The following BOP1 variants were observed in gnomAD, a reference collection of about 807,000 sequenced individuals.
BOP1 encodes the protein BOP1 ribosomal biogenesis factor.
In BOP1, 54 loss-of-function variants were observed where a neutral mutation model predicts 82.9. The ratio of observed to expected loss-of-function variants is 0.65; its 90% CI spans 0.52 to 0.82. The LOEUF (loss-of-function observed/expected upper bound fraction) is 0.82, where lower values mean the gene tolerates loss of function less well. BOP1 is among the 40% of genes least tolerant of loss of function. BOP1 has a pLI of 0.00. For missense variants in BOP1, 1,170 were observed against 1,072.0 expected (o/e 1.09, Z -1.28); for synonymous variants, 566 against 451.1 (o/e 1.25, Z -3.23).
In BOP1 at chr8:144,263,535, A is replaced by G; in HGVS notation, c.1367T>C (p.Val456Ala). The G allele has an allele frequency of 6.3e-7, 1 of 1,599,660 alleles. No individual in the cohort carries two copies. The highest frequency in any genetic ancestry group is 8.5e-7 in the Non-Finnish European group (1 of 1,179,658). Reference protein sequence around the residue: ...RCVRTVPVGGVVKSVAWNPSP... With the variant: ...RCVRTVPVGGAVKSVAWNPSP... Reference sequence around the variant, plus strand: ...GGGGTTCCAGGCCACACTCTTCACCACGCCCCCCACGGGAACAGTCCTCAC... The same window carrying G: ...GGGGTTCCAGGCCACACTCTTCACCGCGCCCCCCACGGGAACAGTCCTCAC... Residue 456 changes from valine (V) to alanine (A), a missense_variant, in exon 11 of 16, where the codon GTG becomes GCG. Physicochemically the swap from Val to Ala is moderately conservative, Grantham distance 64. Transcript: ENST00000569669.
Position 144,263,328 on chromosome 8 carries a change from T to TCAA in BOP1, c.1495_1497dup (p.Leu499dup). On this transcript the variant is annotated inframe_insertion, in exon 12 of 16. Transcript: ENST00000569669. ...GGCTCCTCAGGCGGGACGAAGGCGC[T>TCAA]CAACAGCTGATCTGTGCTGCCCGCC... 1.3e-6 allele frequency: 2 copies of TCAA among 1,594,574 alleles called. No homozygotes were observed. Among genetic ancestry groups the TCAA allele is most frequent in the Non-Finnish European group, 1.7e-6 (2 of 1,178,932 alleles).
chr8:144,273,818 A>G (rs1420903930), intron 3 of BOP1, among the ~76,000 whole-genome samples: 2 of 150,666 alleles, frequency 1.3e-5, no homozygotes, highest in Admixed American at 1.3e-4. Context: ...CGGCGGCAGG[A>G]CCCCAGCCAG....
chr8:144,264,166 T>C (rs2130198365), intron 7 of BOP1, 24 bp from the exon 8 acceptor site: 2 of 1,609,246 alleles, frequency 1.2e-6, no homozygotes, highest in East Asian at 4.5e-5. Context: ...GACACAGGGG[T>C]GGGGAGGGTC....
rs1421646416 is a variant in BOP1, at chr8:144,262,637, G to A, written c.1930C>T (p.Leu644=). The A allele has an allele frequency of 3.7e-6, 6 of 1,613,314 alleles. No individual in the cohort carries two copies. Among genetic ancestry groups the A allele is most frequent in the African/African-American group, 1.3e-5 (1 of 74,858 alleles). ...NVICGSYDSK[L]VWFDLDLSTK... Reference sequence around the variant, plus strand: ...GAAAGATCCAGGTCAAACCACACCAGCTTGCTATCGTAGCTCCCACAGATG... The same window carrying A: ...GAAAGATCCAGGTCAAACCACACCAACTTGCTATCGTAGCTCCCACAGATG... Residue 644 remains leucine (L), a synonymous_variant, in exon 14 of 16, where the codon CTG becomes TTG. Transcript: ENST00000569669.
rs368838818 is a variant in BOP1, at chr8:144,289,266, G to A, written c.138C>T (p.Thr46=). 124 of 1,613,928 alleles carry A rather than the reference G, an allele frequency of 7.7e-5. No homozygotes were observed. Among genetic ancestry groups the A allele is most frequent in the Middle Eastern group, 1.6e-4 (1 of 6,084 alleles). The change falls in exon 2 of 16, where the codon ACC becomes ACT. Residue 46 remains threonine (T), a synonymous_variant. Coordinates refer to ENST00000569669, the MANE Select transcript of BOP1 (RefSeq NM_015201.5). ...LLCTSPLSHS[T]GSDSGVSDSE... is the part of the protein sequence containing the mutation. Reference sequence around the variant, plus strand: ...TGTCGGAGACGCCAGAATCGCTGCCGGTGCTGTGGCTGAGAGGAGAGGTGC... The same window carrying A: ...TGTCGGAGACGCCAGAATCGCTGCCAGTGCTGTGGCTGAGAGGAGAGGTGC...
Position 144,289,126 on chromosome 8 carries a change from C to G in BOP1, c.278G>C (p.Gly93Ala). The change falls in exon 2 of 16, where the codon GGG becomes GCG. Residue 93 changes from glycine (G) to alanine (A), a missense_variant. By Grantham distance (60) the Gly-to-Ala change is moderately conservative. Coordinates refer to ENST00000569669, the MANE Select transcript of BOP1 (RefSeq NM_015201.5). ...CTGCTCCTCAGTGGTCTTTTTAATCCCACTGTGGCCCTCGTCATCAAGGGC... is the reference window on the plus strand; with the variant it reads ...CTGCTCCTCAGTGGTCTTTTTAATCGCACTGTGGCCCTCGTCATCAAGGGC... ...DGALDDEGHS[G>A]IKKTTEEQVQ... 6.2e-7 allele frequency: 1 copy of G among 1,614,162 alleles called. No individual in the cohort carries two copies. The highest frequency in any genetic ancestry group is 1.1e-5 in the South Asian group (1 of 91,082).
rs939597367 is a variant in BOP1 at position 144,275,028 on chromosome 8, C to T, written c.390+1196G>A. Among the ~76,000 whole-genome samples the T allele has an allele frequency of 4.6e-5, 7 of 151,950 alleles. No individual in the cohort carries two copies. The South Asian group carries it at 1.0e-3, about 23-fold the overall frequency. ...TTGTTTTGTCTCTGTTCTCTGAACG[C>T]GCAGCAGAGACCGGATCGGGCGGGC... On this transcript the variant is annotated intron_variant, in intron 3 of 15. Coordinates refer to ENST00000569669, the MANE Select transcript of BOP1 (RefSeq NM_015201.5).
intron 3 of BOP1, chr8:144,267,219 C>T: frequency 2.0e-6 from 3 of 1,485,008 alleles, no homozygotes; most frequent in African/African-American, 1.5e-5. Context: ...GGGCCTCCAA[C>T]GCGCCCCTCA....
chr8:144,264,333 G>A lies in BOP1; in HGVS notation c.870C>T (p.Asn290=), dbSNP rs948980326. Residue 290 remains asparagine, a synonymous_variant, in exon 7 of 16, where the codon AAC becomes AAT. Transcript: ENST00000569669. ...FYDLWAQEDP[N]AVLGRHKMHV... ...GCATCTTGTGGCGCCCGAGCACGGC[G>A]TTGGGGTCCTCCTGGGCCCACAGGT... 89 of 1,609,148 alleles carry A rather than the reference G, an allele frequency of 5.5e-5. No homozygotes were observed. The highest frequency in any genetic ancestry group is 3.5e-4 in the African/African-American group (26 of 74,884).
chr8:144,270,346 G>C (rs1009325100), intron 3 of BOP1, among the ~76,000 whole-genome samples: 3 of 152,158 alleles, frequency 2.0e-5, no homozygotes, highest in Non-Finnish European at 4.4e-5. Context: ...AGAGTTTGGG[G>C]TGTCTAACGA....
chr8:144,272,930 C>T (rs1338913906), intron 3 of BOP1, among the ~76,000 whole-genome samples: 2 of 152,224 alleles, frequency 1.3e-5, no homozygotes. Flanking sequence ...CGTTTCCCTC[C>T]TCAGTGGAAA....
chr8:144,263,946 CT>C (rs1486892193), intron 8 of BOP1, 34 bp downstream of exon 8: 8 of 1,611,180 alleles, frequency 5.0e-6, no homozygotes, highest in Admixed American at 3.3e-5. Context: ...GCCTTGCCCC[CT>C]GTGCCACCCC....
chr8:144,268,305 T>TACAG (rs1845428857), intron 3 of BOP1: 1 of 1,014,292 alleles, frequency 9.9e-7, no homozygotes, highest in Admixed American at 2.6e-5. Context: ...CAGACGGACG[T>TACAG]ACAGACAGGC....
intron 3 of BOP1, among the ~76,000 whole-genome samples, chr8:144,273,712 G>A (rs1011606815): frequency 2.6e-5 from 4 of 152,192 alleles, no homozygotes; most frequent in African/African-American, 4.8e-5. Flanking sequence ...ATGAGATCAC[G>A]TCTGTGAAGC....
chr8:144,267,324 G>A, intron 3 of BOP1: 1 of 1,028,124 alleles, frequency 9.7e-7, no homozygotes, highest in Non-Finnish European at 1.3e-6. Flanking sequence ...CCTGCCGGGG[G>A]CTGGGGCCTT....
At chr8:144,274,351 G>A (rs1845538219) in intron 3 of BOP1, among the ~76,000 whole-genome samples, 1 of 152,204 alleles carries the variant, frequency 6.6e-6, no homozygotes, top group Non-Finnish European at 1.5e-5. Context: ...GGGGCTGCCT[G>A]ACGGGCCCTG....
chr8:144,262,891 T>A lies in BOP1; in HGVS notation c.1856A>T (p.Asn619Ile). 1 of 1,507,024 alleles carries A rather than the reference T, an allele frequency of 6.6e-7. No individual in the cohort carries two copies. The highest frequency in any genetic ancestry group is 1.9e-5 in the Admixed American group (1 of 51,682). 93.4% of individuals were successfully genotyped at this position (1,507,024 alleles called of 1,614,324 possible). ...CGCCAGGCTGGACACCCACTTGCAG[T>A]TGGGCATCAGCTTCTTGGTGAGCTC... Reference protein sequence around the residue: ...RQELTKKLMPNCKWVSSLAVH... With the variant: ...RQELTKKLMPICKWVSSLAVH... The change falls in exon 13 of 16, where the codon AAC becomes ATC. Residue 619 changes from asparagine to isoleucine, a missense_variant. Asn to Ile is a moderately radical substitution (Grantham distance 149, BLOSUM62 -3). Transcript: ENST00000569669.
In BOP1 at chr8:144,290,508, A is replaced by G. The variant is rs1453337797; in HGVS notation, c.99+764T>C. ...CGAGTGTTCACACAATGCCTCTCTCACACAGAGTCATGATGTGTCTTGGTA... is the reference window on the plus strand; with the variant it reads ...CGAGTGTTCACACAATGCCTCTCTCGCACAGAGTCATGATGTGTCTTGGTA... On this transcript the variant is annotated intron_variant, in intron 1 of 15. Transcript: ENST00000569669. 2.0e-5 allele frequency among the ~76,000 whole-genome samples: 3 copies of G among 152,192 alleles called. No individual in the cohort carries two copies. In the East Asian group the frequency reaches 5.8e-4, roughly 29 times the overall value.
At position 144,264,273 on chromosome 8, in the gene BOP1, G is replaced by A. The variant is rs964570722; in HGVS notation, c.930C>T (p.His310=). 3.6e-5 allele frequency: 58 copies of A among 1,611,188 alleles called. No individual in the cohort carries two copies. Among genetic ancestry groups the A allele is most frequent in the African/African-American group, 2.4e-4 (18 of 75,014 alleles). Residue 310 remains histidine (H), a synonymous_variant, in exon 7 of 16, where the codon CAC becomes CAT. Transcript: ENST00000569669. ...CAGGGGGTGGGTTGTACGACTCGGC[G>A]TGGCCTGGCAGGGCCAGCTTGGGAG... ...VPAPKLALPG[H]AESYNPPPEY... is the part of the protein sequence containing the mutation.
Sources: allele counts gnomAD v4.1 joint callset (sites outside exome capture counted in the v4.1 genomes callset), GRCh38; gene constraint gnomAD v4.1.1; transcripts MANE v1.5; gene names NCBI Gene and HGNC (gene_info 2026-07-23, HGNC 2026-07-21).